Variants in LRP1B observed in about 807,000 individuals in gnomAD.
The protein encoded by LRP1B is LDL receptor related protein 1B, also known as low-density lipoprotein receptor-related protein 1B.
In LRP1B, 217 loss-of-function variants were observed where a neutral mutation model predicts 556.6. The ratio of observed to expected loss-of-function variants is 0.39; its 90% CI spans 0.35 to 0.44. The LOEUF is 0.44. Ranked by LOEUF, LRP1B falls within the 20% of genes least tolerant of loss-of-function variation. LRP1B has a pLI of 1.00. For missense variants in LRP1B, 5,053 were observed against 5,620.8 expected (o/e 0.90, Z 3.23); for synonymous variants, 2,047 against 1,865.8 (o/e 1.10, Z -2.50).
chr2:141,336,548 A>AT (rs1303215404), intron 3 of LRP1B, among the ~76,000 whole-genome samples: 2 of 152,020 alleles, frequency 1.3e-5, no homozygotes, highest in Non-Finnish European at 2.9e-5. Context: ...TTATAGTTTA[A>AT]TTTTTTCTCA....
chr2:140,773,855 GTAA>G (rs147151342), intron 33 of LRP1B, among the ~76,000 whole-genome samples: 9,852 of 151,740 alleles, frequency 0.065, 808 homozygotes, highest in African/African-American at 0.18. Flanking sequence ...AAATTGAAAG[GTAA>G]TAATTTATGT....
intron 7 of LRP1B, among the ~76,000 whole-genome samples, chr2:141,146,969 C>T (rs927349795): frequency 6.6e-6 from 1 of 152,116 alleles, no homozygotes; most frequent in Non-Finnish European, 1.5e-5. Context: ...GAAGCTGATC[C>T]CTGTGGATTA....
At chr2:140,843,143 T>C (rs1445962886) in intron 29 of LRP1B, among the ~76,000 whole-genome samples, 1 of 143,194 alleles carries the variant, frequency 7.0e-6, no homozygotes, top group Non-Finnish European at 1.5e-5. Context: ...GCATTGTCTC[T>C]GCTGCTCGAA....
At chr2:140,971,422 A>G (rs952919690) in intron 18 of LRP1B, among the ~76,000 whole-genome samples, 43 of 152,246 alleles carry the variant, frequency 2.8e-4, no homozygotes, top group African/African-American at 9.2e-4. Context: ...AGAACTGTGC[A>G]AGAATAAATT....
chr2:140,337,070 A>T (rs1470110872), intron 77 of LRP1B, among the ~76,000 whole-genome samples: 3 of 151,822 alleles, frequency 2.0e-5, no homozygotes, highest in Non-Finnish European at 4.4e-5. Context: ...CAATCAGTGG[A>T]CTTGGATTAA....
chr2:140,487,600 T>C lies in LRP1B; in HGVS notation c.9243+17A>G. On this transcript the variant is annotated intron_variant, in intron 58 of 90. Coordinates refer to ENST00000389484, the MANE Select transcript of LRP1B (RefSeq NM_018557.3). Reference sequence around the variant, plus strand: ...GGTATAATATTCAACAATCCCATCATTGTAATATTTAGTTACCTTAATGTC... The same window carrying C: ...GGTATAATATTCAACAATCCCATCACTGTAATATTTAGTTACCTTAATGTC... 3 of 1,595,176 alleles carry C rather than the reference T, an allele frequency of 1.9e-6. No homozygotes were observed. The highest frequency in any genetic ancestry group is 1.1e-5 in the South Asian group (1 of 90,078).
intron 41 of LRP1B, among the ~76,000 whole-genome samples, chr2:140,671,314 A>G (rs905468675): frequency 6.6e-6 from 1 of 152,068 alleles, no homozygotes; most frequent in Non-Finnish European, 1.5e-5. Flanking sequence ...AGGTCAGGAG[A>G]TTGAGACCAT....
intron 59 of LRP1B, among the ~76,000 whole-genome samples, chr2:140,477,167 A>G (rs1329899440): frequency 6.6e-6 from 1 of 152,076 alleles, no homozygotes; most frequent in Non-Finnish European, 1.5e-5. Flanking sequence ...AAGAAGTAAA[A>G]ATAAAAAGAT....
chr2:141,089,497 T>C (rs1221631035), intron 7 of LRP1B, among the ~76,000 whole-genome samples: 2 of 152,212 alleles, frequency 1.3e-5, no homozygotes, highest in Non-Finnish European at 2.9e-5. Flanking sequence ...ATGTAAATCA[T>C]TCTGAATCCA....
At chr2:141,974,860 T>C (rs1042614428) in intron 1 of LRP1B, among the ~76,000 whole-genome samples, 4 of 152,112 alleles carry the variant, frequency 2.6e-5, no homozygotes, top group African/African-American at 9.7e-5. Flanking sequence ...AGTGAAGATT[T>C]GAGCTGTAAA....
intron 3 of LRP1B, among the ~76,000 whole-genome samples, chr2:141,465,211 G>GT (rs949060098): frequency 1.3e-5 from 2 of 152,076 alleles, no homozygotes; most frequent in African/African-American, 4.8e-5. Context: ...ATTCAGACAA[G>GT]TTTTTAAAAA....
At chr2:140,279,294 T>C (rs1682818219) in intron 84 of LRP1B, among the ~76,000 whole-genome samples, 2 of 152,000 alleles carry the variant, frequency 1.3e-5, no homozygotes, top group Non-Finnish European at 2.9e-5. Flanking sequence ...TCAAGTGTTA[T>C]CACGGTGCAT....
chr2:141,345,981 T>C (rs750090992), intron 3 of LRP1B, among the ~76,000 whole-genome samples: 1 of 152,046 alleles, frequency 6.6e-6, no homozygotes, highest in African/African-American at 2.4e-5. Flanking sequence ...AGTTATATGA[T>C]AGTTTTCATT....
chr2:141,908,681 C>T (rs978526174), intron 1 of LRP1B, among the ~76,000 whole-genome samples: 6 of 151,944 alleles, frequency 3.9e-5, no homozygotes, highest in African/African-American at 1.4e-4. Context: ...TAATAATATC[C>T]TCTAAGTAAA....
chr2:140,233,343 A>G lies in LRP1B; in HGVS notation c.13660-17T>C. 6.5e-7 allele frequency: 1 copy of G among 1,547,618 alleles called. No individual in the cohort carries two copies. The highest frequency in any genetic ancestry group is 8.7e-7 in the Non-Finnish European group (1 of 1,144,218). ...ATTTGTTGGCTGAAGGAGAAAAAAA[A>G]TAAATATAATTTTATTACTGGTCTT... On this transcript the variant is annotated splice_polypyrimidine_tract_variant and intron_variant, in intron 90 of 90. Transcript: ENST00000389484.
intron 15 of LRP1B, among the ~76,000 whole-genome samples, chr2:141,003,489 C>G (rs966369781): frequency 6.6e-6 from 1 of 151,996 alleles, no homozygotes; most frequent in African/African-American, 2.4e-5. Context: ...TGGGAGGTAA[C>G]TGAATTATGG....
chr2:141,726,283 T>G, intron 2 of LRP1B, among the ~76,000 whole-genome samples: 1 of 151,406 alleles, frequency 6.6e-6, no homozygotes, highest in East Asian at 1.9e-4. Context: ...AACCAAAAAA[T>G]GTTAATTATT....
chr2:141,612,651 G>A (rs1318630683), intron 2 of LRP1B, among the ~76,000 whole-genome samples: 2 of 152,206 alleles, frequency 1.3e-5, no homozygotes, highest in African/African-American at 4.8e-5. Context: ...GTAAAAGAAA[G>A]AGTGTTCCAT....
intron 1 of LRP1B, among the ~76,000 whole-genome samples, chr2:141,983,918 G>A (rs561761790): frequency 2.0e-5 from 3 of 152,088 alleles, no homozygotes; most frequent in East Asian, 1.9e-4. Flanking sequence ...AAAATTAGCC[G>A]GGCATAGTGG....
Sources: gnomAD v4.1 joint callset for allele counts (sites outside exome capture counted in the v4.1 genomes callset) on GRCh38, gnomAD v4.1.1 for gene constraint, MANE v1.5 for transcripts, NCBI Gene and HGNC (gene_info 2026-07-23, HGNC 2026-07-21) for gene names.